Variants in TSPAN5 observed in about 807,000 individuals in gnomAD.
The protein encoded by TSPAN5 is tetraspanin-5.
In TSPAN5, 10 loss-of-function variants were observed where a neutral mutation model predicts 37.1. The observed-to-expected ratio is 0.27, with a 90% CI of 0.17 to 0.46. The LOEUF (loss-of-function observed/expected upper bound fraction) is 0.46, where lower values mean the gene tolerates loss of function less well. Ranked by LOEUF, TSPAN5 falls within the 20% of genes least tolerant of loss-of-function variation. TSPAN5 has a pLI of 1.00. For missense variants in TSPAN5, 195 were observed against 326.6 expected (o/e 0.60, Z 3.11); for synonymous variants, 110 against 118.9 (o/e 0.93, Z 0.48).
chr4:98,525,439 G>C (rs538291377), intron 1 of TSPAN5, among the ~76,000 whole-genome samples: 1 of 152,182 alleles, frequency 6.6e-6, no homozygotes, highest in East Asian at 1.9e-4. Flanking sequence ...GAGTGAGTGT[G>C]GATGTGTGAT....
chr4:98,631,331 T>C (rs1756742195), intron 1 of TSPAN5, among the ~76,000 whole-genome samples: 1 of 152,082 alleles, frequency 6.6e-6, no homozygotes. Context: ...GGTCCCTGAG[T>C]CCACCACCAG....
At chr4:98,586,155 GA>G (rs1275339081) in intron 1 of TSPAN5, among the ~76,000 whole-genome samples, 5 of 152,148 alleles carry the variant, frequency 3.3e-5, no homozygotes, top group Non-Finnish European at 2.9e-5. Flanking sequence ...AATGTACCAG[GA>G]AAGTTCTTTA....
chr4:98,619,183 A>T (rs969683716), intron 1 of TSPAN5, among the ~76,000 whole-genome samples: 2 of 152,208 alleles, frequency 1.3e-5, no homozygotes, highest in Non-Finnish European at 2.9e-5. Context: ...TAAACCTTAA[A>T]TTTTTAATTC....
chr4:98,547,735 G>A (rs1754500309), intron 1 of TSPAN5, among the ~76,000 whole-genome samples: 1 of 152,126 alleles, frequency 6.6e-6, no homozygotes, highest in South Asian at 2.1e-4. Context: ...AGCCAGGTGT[G>A]GTGGCTCACG....
intron 1 of TSPAN5, among the ~76,000 whole-genome samples, chr4:98,633,812 G>A (rs996574502): frequency 5.9e-5 from 9 of 152,154 alleles, no homozygotes; most frequent in Non-Finnish European, 1.3e-4. Flanking sequence ...GGGCACGATG[G>A]CTGACGCCTG....
intron 1 of TSPAN5, among the ~76,000 whole-genome samples, chr4:98,637,154 T>G (rs534849987): frequency 1.3e-5 from 2 of 152,350 alleles, no homozygotes; most frequent in African/African-American, 4.8e-5. Context: ...TTAAAAGGAC[T>G]GTCCACTTTC....
chr4:98,599,569 A>G (rs78773151), intron 1 of TSPAN5, among the ~76,000 whole-genome samples: 2,774 of 152,246 alleles, frequency 0.018, 71 homozygotes, highest in African/African-American at 0.063. Context: ...CACCACCCCA[A>G]AAAGTTCCCT....
intron 2 of TSPAN5, among the ~76,000 whole-genome samples, chr4:98,506,124 T>A (rs1429678888): frequency 1.3e-5 from 2 of 152,210 alleles, no homozygotes; most frequent in Non-Finnish European, 2.9e-5. Flanking sequence ...GATAATTAGT[T>A]CATTTAATGC....
chr4:98,592,657 A>G (rs1485344899), intron 1 of TSPAN5, among the ~76,000 whole-genome samples: 2 of 139,470 alleles, frequency 1.4e-5, no homozygotes, highest in Admixed American at 7.6e-5. Context: ...TCATTGTTCA[A>G]TTCCCACCTA....
Position 98,592,555 on chromosome 4 carries a change from T to C in TSPAN5, c.81+65591A>G, listed in dbSNP as rs531662214. ...CACCCACTAATGTGTCGTCTAGCAT[T>C]AGGTATATCTCCCAATGCTATCCCT... On this transcript the variant is annotated intron_variant, in intron 1 of 7. Transcript: ENST00000305798. Among the ~76,000 whole-genome samples, 25 of 148,996 alleles carry C rather than the reference T, an allele frequency of 1.7e-4. 1 individual carries two copies. The East Asian group carries it at 4.9e-3, about 29-fold the overall frequency.
intron 1 of TSPAN5, among the ~76,000 whole-genome samples, chr4:98,543,419 A>ATTT (rs55834948): frequency 3.4e-5 from 5 of 147,816 alleles, no homozygotes; most frequent in South Asian, 2.1e-4. Flanking sequence ...CTACTTTAGA[A>ATTT]TTTTTTTTTT....
At chr4:98,529,187 T>C (rs1389618183) in intron 1 of TSPAN5, among the ~76,000 whole-genome samples, 1 of 152,204 alleles carries the variant, frequency 6.6e-6, no homozygotes, top group Non-Finnish European at 1.5e-5. Context: ...ATCCAAGCAT[T>C]CATTTATAAT....
intron 1 of TSPAN5, among the ~76,000 whole-genome samples, chr4:98,559,943 A>G (rs1754841804): frequency 6.6e-6 from 1 of 152,228 alleles, no homozygotes; most frequent in Admixed American, 6.5e-5. Context: ...CACTTCCCTG[A>G]AGAATTTCCA....
At chr4:98,624,875 A>G (rs1756560112) in intron 1 of TSPAN5, among the ~76,000 whole-genome samples, 1 of 152,036 alleles carries the variant, frequency 6.6e-6, no homozygotes, top group Admixed American at 6.6e-5. Flanking sequence ...AAGTGATCAT[A>G]AATACACAAG....
At chr4:98,563,688 C>G (rs1754926825) in intron 1 of TSPAN5, among the ~76,000 whole-genome samples, 1 of 152,154 alleles carries the variant, frequency 6.6e-6, no homozygotes, top group Admixed American at 6.5e-5. Context: ...TAGAAATAAG[C>G]ATAAGTAACT....
At chr4:98,484,509 T>C in intron 3 of TSPAN5, 2 of 456,032 alleles carry the variant, frequency 4.4e-6, no homozygotes, top group South Asian at 3.1e-5. Context: ...ACAATTCTCT[T>C]CATTTCCAAC....
chr4:98,625,096 G>A (rs1756570120), intron 1 of TSPAN5, among the ~76,000 whole-genome samples: 1 of 152,192 alleles, frequency 6.6e-6, no homozygotes, highest in African/African-American at 2.4e-5. Context: ...AATAATTGTT[G>A]AGTGCTTATA....
At chr4:98,658,092 C>CG in intron 1 of TSPAN5, 54 bp downstream of exon 1, 1 of 1,491,428 alleles carries the variant, frequency 6.7e-7, no homozygotes, top group Non-Finnish European at 9.4e-7. Context: ...TGGGGGAAAT[C>CG]GTCGCGAATC....
intron 3 of TSPAN5, chr4:98,485,381 G>C (rs1384603066): frequency 6.6e-6 from 1 of 151,756 alleles, no homozygotes; most frequent in Non-Finnish European, 1.5e-5. Context: ...GAGAGGGAGG[G>C]AGAGAGAGAG....
Sources: gnomAD v4.1 joint callset for allele counts (sites outside exome capture counted in the v4.1 genomes callset) on GRCh38, gnomAD v4.1.1 for gene constraint, MANE v1.5 for transcripts, NCBI Gene and HGNC (gene_info 2026-07-23, HGNC 2026-07-21) for gene names.